Variants in GK observed in about 807,000 individuals in gnomAD.
GK encodes the protein glycerol kinase.
GK carries 9 observed loss-of-function variants against 56.4 expected under a neutral mutation model. The observed-to-expected ratio is 0.16, with a 90% confidence interval of 0.10 to 0.28. The LOEUF (loss-of-function observed/expected upper bound fraction) is 0.28. Ranked by LOEUF, GK falls within the 10% of genes least tolerant of loss-of-function variation. The pLI, the probability that GK is intolerant of heterozygous loss-of-function variation, is 1.00. For missense variants in GK, 161 were observed against 431.4 expected, an observed-to-expected ratio of 0.37 and a Z score of 5.55; for synonymous variants, 104 against 144.1, an observed-to-expected ratio of 0.72 and a Z score of 1.99.
At position 30,708,142 on chromosome X, in the gene GK, CT is replaced by C. The variant is rs776776933; in HGVS notation, c.975+13del. On this transcript the variant is annotated intron_variant, in intron 13 of 20. Transcript: ENST00000427190. ...GTATATTATGCTTTGGAAGTAAGTTCTTTTTAATCAATATGGATAATATGAC... is the reference window on the plus strand; with the variant it reads ...GTATATTATGCTTTGGAAGTAAGTTCTTTTAATCAATATGGATAATATGAC... 1 of 951,447 alleles carries C rather than the reference CT, an allele frequency of 1.1e-6. No individual in the cohort carries two copies. Among genetic ancestry groups the C allele is most frequent in the South Asian group, 2.1e-5 (1 of 48,099 alleles). The allele number at this position is 951,447 out of a possible 1,213,427, so 78.4% of individuals were successfully genotyped here. A position where few individuals can be genotyped will look rare whatever the true frequency, so the allele number is the denominator to read the frequency against.
rs1475194799 is a variant in GK, at chrX:30,691,215, G to C, written c.414+16G>C. On this transcript the variant is annotated intron_variant, in intron 5 of 20. Coordinates refer to ENST00000427190, the MANE Select transcript of GK (RefSeq NM_001205019.2). ...CTTTGTCAAGGTAAGAATTTCTTCAGAAGTATACTATAAGAATGTTTCTTT... is the reference window on the plus strand; with the variant it reads ...CTTTGTCAAGGTAAGAATTTCTTCACAAGTATACTATAAGAATGTTTCTTT... 8 of 905,848 alleles carry C rather than the reference G, an allele frequency of 8.8e-6. No homozygotes were observed. Among genetic ancestry groups the C allele is most frequent in the Non-Finnish European group, 1.3e-5 (8 of 620,400 alleles). 74.7% of individuals were successfully genotyped at this position (905,848 alleles called of 1,213,427 possible).
intron 4 of GK, among the ~76,000 whole-genome samples, chrX:30,686,380 C>T (rs1055999374): frequency 2.7e-5 from 3 of 112,381 alleles, no homozygotes; most frequent in African/African-American, 9.7e-5. Flanking sequence ...CTTTGTATAA[C>T]TGTCAGCAGT....
At chrX:30,679,304 A>G (rs1472463125) in intron 4 of GK, among the ~76,000 whole-genome samples, 1 of 102,504 alleles carries the variant, frequency 9.8e-6, no homozygotes, top group Non-Finnish European at 2.0e-5. Context: ...GGCTCGCTCT[A>G]TCTCCCAGGT....
At chrX:30,680,975 G>A (rs1288371006) in intron 4 of GK, among the ~76,000 whole-genome samples, 1 of 112,034 alleles carries the variant, frequency 8.9e-6, no homozygotes, top group Non-Finnish European at 1.9e-5. Context: ...GATTGCTAAT[G>A]CTAGTGGCCT....
At chrX:30,717,179 C>T (rs1014433969) in intron 13 of GK, among the ~76,000 whole-genome samples, 1 of 110,946 alleles carries the variant, frequency 9.0e-6, no homozygotes, top group Non-Finnish European at 1.9e-5. Context: ...TATTACCTGA[C>T]GTTTGGTTTG....
At chrX:30,710,884 A>G (rs1024802730) in intron 13 of GK, among the ~76,000 whole-genome samples, 1 of 110,719 alleles carries the variant, frequency 9.0e-6, no homozygotes, top group African/African-American at 3.3e-5. Context: ...GGTATTTTTA[A>G]TCTCCCGACC....
chrX:30,687,673 G>C (rs956927624), intron 4 of GK: 1 of 336,984 alleles, frequency 3.0e-6, no homozygotes, highest in Non-Finnish European at 6.0e-6. Context: ...ATATGTTGGG[G>C]GAAATTGACT....
intron 1 of GK, among the ~76,000 whole-genome samples, chrX:30,663,104 A>G (rs1000455238): frequency 1.8e-5 from 2 of 109,798 alleles, no homozygotes; most frequent in Admixed American, 2.0e-4. Flanking sequence ...GGTGGTCTCA[A>G]ACTCCAGACC....
Position 30,677,367 on chromosome X carries a change from C to T in GK, c.260-8C>T. Reference sequence around the variant, plus strand: ...TTGACTTCCTTCTGTTTAACTTTCTCTTTAAAGCTATTGGTGTCAGCAACC... The same window carrying T: ...TTGACTTCCTTCTGTTTAACTTTCTTTTTAAAGCTATTGGTGTCAGCAACC... On this transcript the variant is annotated splice_region_variant and splice_polypyrimidine_tract_variant and intron_variant, in intron 3 of 20. Coordinates refer to ENST00000427190, the MANE Select transcript of GK (RefSeq NM_001205019.2). 3.7e-6 allele frequency: 4 copies of T among 1,087,359 alleles called. No homozygotes were observed. The highest frequency in any genetic ancestry group is 4.4e-5 in the Admixed American group (2 of 45,818). The allele number at this position is 1,087,359 out of a possible 1,213,427, so 89.6% of individuals were successfully genotyped here. A position where few individuals can be genotyped will look rare whatever the true frequency, so the allele number is the denominator to read the frequency against.
intron 4 of GK, among the ~76,000 whole-genome samples, chrX:30,679,555 A>G (rs751039150): frequency 4.5e-5 from 5 of 112,070 alleles, no homozygotes; most frequent in African/African-American, 6.5e-5. Context: ...TTTTCAAATA[A>G]TGCAACTAGG....
At chrX:30,711,497 C>G (rs774156537) in intron 13 of GK, among the ~76,000 whole-genome samples, 4 of 111,638 alleles carry the variant, frequency 3.6e-5, no homozygotes, top group Non-Finnish European at 7.5e-5. Flanking sequence ...CAGCAATTAT[C>G]TCTTCAAATA....
At chrX:30,673,067 T>C (rs938328069) in intron 3 of GK, among the ~76,000 whole-genome samples, 1 of 112,211 alleles carries the variant, frequency 8.9e-6, no homozygotes, top group African/African-American at 3.2e-5. Context: ...AGGTATATTT[T>C]CTTAACTGTG....
intron 13 of GK, among the ~76,000 whole-genome samples, chrX:30,712,606 C>A (rs1456887785): frequency 9.3e-6 from 1 of 107,620 alleles, no homozygotes; most frequent in East Asian, 2.8e-4. Context: ...AAATGGAAGT[C>A]ATTTCCTAAT....
At chrX:30,724,005 A>AATTTGTCAAGAATGTTGAGTG (rs1466240225) in intron 18 of GK, 96 bp from the exon 19 acceptor site, 1 of 575,687 alleles carries the variant, frequency 1.7e-6, no homozygotes, top group Non-Finnish European at 3.0e-6. Context: ...TGTGTGCAAT[A>AATTTGTCAAGAATGTTGAGTG]ATTTGTCAAG....
intron 1 of GK, among the ~76,000 whole-genome samples, chrX:30,654,541 G>A (rs1166748812): frequency 1.8e-5 from 2 of 110,883 alleles, no homozygotes; most frequent in Non-Finnish European, 3.8e-5. Context: ...TCAGGAGTTC[G>A]AGACCAGCCT....
chrX:30,726,914 A>G (rs1937159304), intron 19 of GK, among the ~76,000 whole-genome samples: 1 of 112,231 alleles, frequency 8.9e-6, no homozygotes, highest in Non-Finnish European at 1.9e-5. Context: ...TGCTTTGTAA[A>G]CAATTTTTAA....
chrX:30,718,748 T>A (rs1184174601), intron 14 of GK, 132 bp downstream of exon 14: 1 of 484,490 alleles, frequency 2.1e-6, no homozygotes, highest in African/African-American at 2.4e-5. Flanking sequence ...ATTATGAGTT[T>A]GACTTATGCA....
intron 3 of GK, among the ~76,000 whole-genome samples, chrX:30,675,410 G>C (rs1410512503): frequency 9.2e-6 from 1 of 108,266 alleles, no homozygotes; most frequent in Non-Finnish European, 1.9e-5. Flanking sequence ...TGTTAGCCAG[G>C]ATGGTCTTGA....
intron 7 of GK, 139 bp from the exon 8 acceptor site, chrX:30,696,478 G>A (rs745402198): frequency 3.7e-5 from 18 of 489,940 alleles, no homozygotes; most frequent in African/African-American, 2.9e-4. Context: ...GTTGGCTTAC[G>A]TATTTATTGC....
Sources: allele counts gnomAD v4.1 joint callset (sites outside exome capture counted in the v4.1 genomes callset), GRCh38; gene constraint gnomAD v4.1.1; transcripts MANE v1.5; gene names NCBI Gene and HGNC (gene_info 2026-07-23, HGNC 2026-07-21).